SLC25A36: variants seen among roughly 807,000 people sequenced by gnomAD.
SLC25A36 encodes epididymis secretory sperm binding protein.
A neutral mutation model predicts 35.3 loss-of-function variants in SLC25A36; 24 were observed. The ratio of observed to expected loss-of-function variants is 0.68; its 90% CI spans 0.49 to 0.96. SLC25A36 has a LOEUF of 0.96. Ranked by LOEUF, SLC25A36 falls within the 40% of genes least tolerant of loss-of-function variation. The pLI, the probability that SLC25A36 is intolerant of heterozygous loss-of-function variation, is 0.00. For synonymous variants in SLC25A36, 141 were observed against 132.2 expected (o/e 1.07, Z -0.46); for missense variants, 294 against 381.1 (o/e 0.77, Z 1.90).
At chr3:140,975,242 G>A (rs1935012195) in intron 6 of SLC25A36, among the ~76,000 whole-genome samples, 1 of 150,394 alleles carries the variant, frequency 6.6e-6, no homozygotes, top group Non-Finnish European at 1.5e-5. Context: ...CAAGTAGCTG[G>A]GACTATGAGC....
In SLC25A36 at chr3:140,964,793, C is replaced by G. The variant is rs78234202; in HGVS notation, c.385+1566C>G. 2.7e-3 allele frequency: 410 copies of G among 151,918 alleles called. 1 individual carries two copies. The highest frequency in any genetic ancestry group is 7.9e-3 in the African/African-American group (326 of 41,526). The allele number at this position is 151,918 out of a possible 1,614,324, so 9.4% of individuals were successfully genotyped here. A position where few individuals can be genotyped will look rare whatever the true frequency, so the allele number is the denominator to read the frequency against. On this transcript the variant is annotated intron_variant, in intron 4 of 6. Coordinates refer to ENST00000324194, the MANE Select transcript of SLC25A36 (RefSeq NM_001104647.3). Reference sequence around the variant, plus strand: ...ATTGATATTTGTTATATCAGTATAGCAAATGCAGAGGTTCAGAATATCTTT... The same window carrying G: ...ATTGATATTTGTTATATCAGTATAGGAAATGCAGAGGTTCAGAATATCTTT...
At chr3:140,975,513 C>T (rs1168493717) in intron 6 of SLC25A36, among the ~76,000 whole-genome samples, 1 of 151,934 alleles carries the variant, frequency 6.6e-6, no homozygotes, top group Admixed American at 6.6e-5. Context: ...TTCCCTAGGC[C>T]CATCTGGAAT....
At chr3:140,974,086 C>T in intron 6 of SLC25A36, 81 bp downstream of exon 6, 1 of 956,080 alleles carries the variant, frequency 1.0e-6, no homozygotes, top group Non-Finnish European at 1.6e-6. Context: ...TATAATTTTA[C>T]TGCATTCTGG....
chr3:140,944,438 G>A lies in SLC25A36; in HGVS notation c.41+2343G>A, dbSNP rs559013449. 2.0e-5 allele frequency among the ~76,000 whole-genome samples: 3 copies of A among 152,224 alleles called. No individual in the cohort carries two copies. In the East Asian group the frequency reaches 5.8e-4, roughly 29 times the overall value. On this transcript the variant is annotated intron_variant, in intron 1 of 6. Coordinates refer to ENST00000324194, the MANE Select transcript of SLC25A36 (RefSeq NM_001104647.3). ...CAGAGTTTGTAAGGTCAGTAGTTAG[G>A]TTAATTGAGTTAAGGAACGATATCA...
intron 3 of SLC25A36, among the ~76,000 whole-genome samples, chr3:140,961,992 A>G (rs1239070494): frequency 6.7e-6 from 1 of 149,690 alleles, no homozygotes; most frequent in East Asian, 2.0e-4. Flanking sequence ...TCACTGTTTT[A>G]ATATGATTTA....
Position 140,973,911 on chromosome 3 carries a change from T to C in SLC25A36, c.648T>C (p.Asp216=), listed in dbSNP as rs745472822. 1.9e-6 allele frequency: 3 copies of C among 1,612,618 alleles called. No individual in the cohort carries two copies. Among genetic ancestry groups the C allele is most frequent in the Non-Finnish European group, 2.5e-6 (3 of 1,179,074 alleles). ...AGACTGCTTCTACAATGGAAAATGA[T>C]GAAGAGTCTGTGAAAGAAGCATCAG... ...EYKTASTMEN[D]EESVKEASDF... is the part of the protein sequence containing the mutation. The change falls in exon 6 of 7, where the codon GAT becomes GAC. Residue 216 remains aspartate (D), a synonymous_variant. Transcript: ENST00000324194.
intron 5 of SLC25A36, among the ~76,000 whole-genome samples, chr3:140,971,320 T>C (rs1405857810): frequency 1.3e-5 from 2 of 152,124 alleles, no homozygotes; most frequent in Non-Finnish European, 2.9e-5. Flanking sequence ...GTACTTATAA[T>C]TGGCCTCGCA....
intron 4 of SLC25A36, chr3:140,968,622 C>T: frequency 1.0e-6 from 1 of 953,128 alleles, no homozygotes; most frequent in Non-Finnish European, 1.2e-6. Flanking sequence ...TTGTTCCTAA[C>T]AACATTTATA....
intron 4 of SLC25A36, chr3:140,968,797 C>A: frequency 1.5e-6 from 1 of 678,464 alleles, no homozygotes; most frequent in Non-Finnish European, 1.8e-6. Flanking sequence ...CTTAGGTGCT[C>A]ATCTTCTTTT....
chr3:140,955,817 G>A (rs978226950), intron 1 of SLC25A36, among the ~76,000 whole-genome samples: 2 of 151,908 alleles, frequency 1.3e-5, no homozygotes, highest in Non-Finnish European at 2.9e-5. Flanking sequence ...TCAGCCTCCC[G>A]AGTAGCCAGG....
At chr3:140,961,346 T>A (rs959981952) in intron 3 of SLC25A36, among the ~76,000 whole-genome samples, 3 of 152,292 alleles carry the variant, frequency 2.0e-5, no homozygotes, top group Admixed American at 6.5e-5. Flanking sequence ...TCCATGATAA[T>A]ATGTGGGGTG....
chr3:140,959,082 C>G (rs1934564132), intron 2 of SLC25A36, among the ~76,000 whole-genome samples: 1 of 145,822 alleles, frequency 6.9e-6, no homozygotes, highest in Admixed American at 7.0e-5. Flanking sequence ...GTGGCGCAAT[C>G]TTGGCTCACT....
chr3:140,970,850 A>G (rs1934881669), intron 4 of SLC25A36, 77 bp from the exon 5 acceptor site: 1 of 703,730 alleles, frequency 1.4e-6, no homozygotes, highest in Admixed American at 2.1e-5. Flanking sequence ...ATGTAGATTT[A>G]TCTAATTTTT....
chr3:140,965,035 T>C (rs1934725131), intron 4 of SLC25A36: 1 of 151,942 alleles, frequency 6.6e-6, no homozygotes, highest in African/African-American at 2.4e-5. Context: ...TCATACTTGT[T>C]CAGAGGTTAT....
chr3:140,970,342 C>G (rs1455509198), intron 4 of SLC25A36: 1 of 151,874 alleles, frequency 6.6e-6, no homozygotes, highest in Admixed American at 6.6e-5. Flanking sequence ...CCTATTAACC[C>G]TAACAAAAAC....
chr3:140,957,639 G>A (rs1466843407), intron 2 of SLC25A36, among the ~76,000 whole-genome samples: 1 of 152,108 alleles, frequency 6.6e-6, no homozygotes, highest in Non-Finnish European at 1.5e-5. Context: ...TACTCAGGAG[G>A]CTGAGGCAGG....
chr3:140,970,746 T>G (rs1559816745), intron 4 of SLC25A36, 181 bp from the exon 5 acceptor site: 1 of 428,324 alleles, frequency 2.3e-6, no homozygotes. Flanking sequence ...AATTTGAGAA[T>G]TCATATAGAT....
intron 6 of SLC25A36, 65 bp from the exon 7 acceptor site, chr3:140,976,195 C>A: frequency 9.3e-7 from 1 of 1,080,556 alleles, no homozygotes; most frequent in Non-Finnish European, 1.3e-6. Context: ...ATGGGATGTG[C>A]TCAGTTATAA....
intron 1 of SLC25A36, among the ~76,000 whole-genome samples, chr3:140,950,162 C>T (rs1934280159): frequency 6.6e-6 from 1 of 152,118 alleles, no homozygotes. Flanking sequence ...CTTATTGTGA[C>T]AATACAAATA....
Sources: allele counts gnomAD v4.1 joint callset (sites outside exome capture counted in the v4.1 genomes callset), GRCh38; gene constraint gnomAD v4.1.1; transcripts MANE v1.5; gene names NCBI Gene and HGNC (gene_info 2026-07-23, HGNC 2026-07-21).